Variants in C1GALT1 observed in about 807,000 individuals in gnomAD.
C1GALT1 encodes glycoprotein-N-acetylgalactosamine 3-beta-galactosyltransferase 1.
Under a neutral mutation model 31.0 loss-of-function variants are expected in C1GALT1, and 11 were observed. The ratio of observed to expected loss-of-function variants is 0.36; its 90% CI spans 0.22 to 0.59. C1GALT1 has a LOEUF of 0.59. C1GALT1 is among the 20% of genes least tolerant of loss of function. C1GALT1 has a pLI of 0.79. For synonymous variants in C1GALT1, 175 were observed against 143.6 expected (o/e 1.22, Z -1.56); for missense variants, 424 against 425.2 (o/e 1.00, Z 0.03).
At chr7:7,219,826 G>A (rs1009415169) in intron 1 of C1GALT1, among the ~76,000 whole-genome samples, 2 of 151,960 alleles carry the variant, frequency 1.3e-5, no homozygotes, top group Admixed American at 1.3e-4. Flanking sequence ...AAAATTTTGT[G>A]TGGAATTGTA....
At chr7:7,174,386 G>A (rs1562553761) in intron 2 of C1GALT1, among the ~76,000 whole-genome samples, 1 of 152,118 alleles carries the variant, frequency 6.6e-6, no homozygotes, top group Non-Finnish European at 1.5e-5. Context: ...AAATAACAAC[G>A]AGCCCAACTG....
At chr7:7,176,551 G>A (rs548244483) in intron 2 of C1GALT1, among the ~76,000 whole-genome samples, 169 of 152,312 alleles carry the variant, frequency 1.1e-3, no homozygotes, top group Non-Finnish European at 1.9e-3. Context: ...CTCGTAAGCT[G>A]AGAATATTTT....
At chr7:7,240,034 T>A (rs554659165) in intron 3 of C1GALT1, among the ~76,000 whole-genome samples, 3 of 152,328 alleles carry the variant, frequency 2.0e-5, no homozygotes, top group African/African-American at 4.8e-5. Flanking sequence ...TGCCTTCTTT[T>A]CTGTGGACCT....
At chr7:7,183,234 T>TCCCCG (rs1386955917) in intron 1 of C1GALT1, among the ~76,000 whole-genome samples, 1 of 148,064 alleles carries the variant, frequency 6.8e-6, no homozygotes, top group Non-Finnish European at 1.5e-5. Flanking sequence ...TCCCGGGCCC[T>TCCCCG]CCCCGCCCCG....
intron 1 of C1GALT1, among the ~76,000 whole-genome samples, chr7:7,232,810 C>T (rs1783150785): frequency 6.6e-6 from 1 of 152,124 alleles, no homozygotes; most frequent in South Asian, 2.1e-4. Context: ...TTTTTAAGCA[C>T]ACAGACCTAC....
intron 1 of C1GALT1, among the ~76,000 whole-genome samples, chr7:7,200,907 T>C (rs1781504312): frequency 6.6e-6 from 1 of 152,220 alleles, no homozygotes; most frequent in South Asian, 2.1e-4. Context: ...CTAATCTTTT[T>C]TCAAGGTTTT....
chr7:7,227,308 A>G (rs2159191), intron 1 of C1GALT1, among the ~76,000 whole-genome samples: 73,091 of 152,074 alleles, frequency 0.48, 19,462 homozygotes, highest in African/African-American at 0.72. Context: ...AATATTAACA[A>G]GGCCTTTAAG....
chr7:7,181,547 T>C (rs186045457), upstream of C1GALT1, among the ~76,000 whole-genome samples: 4 of 152,314 alleles, frequency 2.6e-5, no homozygotes, highest in East Asian at 7.7e-4. Context: ...CCTGAGAAAC[T>C]ACACTACAGC....
intron 2 of C1GALT1, among the ~76,000 whole-genome samples, chr7:7,160,630 T>C (rs144127048): frequency 6.6e-6 from 1 of 152,188 alleles, no homozygotes; most frequent in East Asian, 1.9e-4. Flanking sequence ...GAAGTCAAGT[T>C]CAGTTCAAGA....
intron 2 of C1GALT1, 58 bp downstream of exon 2, chr7:7,234,597 A>G (rs1445139888): frequency 2.3e-6 from 3 of 1,296,360 alleles, no homozygotes; most frequent in Admixed American, 3.8e-5. Context: ...AAATTTTGTC[A>G]TATTCCTGTC....
At chr7:7,196,106 C>G (rs1410927198) in intron 1 of C1GALT1, among the ~76,000 whole-genome samples, 1 of 152,086 alleles carries the variant, frequency 6.6e-6, no homozygotes, top group African/African-American at 2.4e-5. Context: ...GGTACATGTG[C>G]ACAACGTGCA....
rs555352728 is a variant in C1GALT1 at position 7,159,480 on chromosome 7, G to A, written c.-18+2054G>A. 1.1e-4 allele frequency among the ~76,000 whole-genome samples: 16 copies of A among 152,116 alleles called. No homozygotes were observed. In the South Asian group the frequency reaches 3.1e-3, roughly 30 times the overall value. On this transcript the variant is annotated intron_variant, in intron 2 of 3. Transcript: ENST00000429911. Reference sequence around the variant, plus strand: ...TGGAACAGAAATAGAAATGCAAAGCGGAAGAGAAAGAGAAAGGAAAGAAAG... The same window carrying A: ...TGGAACAGAAATAGAAATGCAAAGCAGAAGAGAAAGAGAAAGGAAAGAAAG...
At chr7:7,158,956 G>A (rs1318534933) in intron 2 of C1GALT1, among the ~76,000 whole-genome samples, 1 of 152,136 alleles carries the variant, frequency 6.6e-6, no homozygotes, top group Non-Finnish European at 1.5e-5. Flanking sequence ...ACAACGAGCA[G>A]GGTTCTTGAT....
At chr7:7,239,742 CCT>C (rs142486618) in intron 3 of C1GALT1, among the ~76,000 whole-genome samples, 23,984 of 152,038 alleles carry the variant, frequency 0.16, 2,467 homozygotes, top group Admixed American at 0.31. Context: ...GTACTTATCC[CCT>C]GTCTTTACCA....
At chr7:7,214,007 G>A (rs559055302) in intron 1 of C1GALT1, among the ~76,000 whole-genome samples, 32 of 152,318 alleles carry the variant, frequency 2.1e-4, no homozygotes, top group African/African-American at 7.2e-4. Flanking sequence ...CCAGTGGGGG[G>A]TAGGGATGTT....
chr7:7,234,615 G>A (rs1306608932), intron 2 of C1GALT1, 76 bp downstream of exon 2: 4 of 1,096,228 alleles, frequency 3.6e-6, no homozygotes, highest in Non-Finnish European at 5.3e-6. Context: ...GTCTGTATCT[G>A]TTAATTAAAA....
chr7:7,184,140 T>C (rs1780714368), intron 1 of C1GALT1, among the ~76,000 whole-genome samples: 1 of 152,246 alleles, frequency 6.6e-6, no homozygotes, highest in African/African-American at 2.4e-5. Flanking sequence ...TATAGTACAC[T>C]ATACTTTCTA....
At chr7:7,202,110 G>C (rs1018766715) in intron 1 of C1GALT1, among the ~76,000 whole-genome samples, 2 of 152,144 alleles carry the variant, frequency 1.3e-5, no homozygotes, top group Non-Finnish European at 2.9e-5. Flanking sequence ...CTCGTGAATT[G>C]GCCCTTTGGG....
At chr7:7,195,347 T>G (rs1421650623) in intron 1 of C1GALT1, among the ~76,000 whole-genome samples, 2 of 152,224 alleles carry the variant, frequency 1.3e-5, no homozygotes, top group Non-Finnish European at 2.9e-5. Flanking sequence ...TTTTGCTTTA[T>G]CCCAGAGGTT....
Sources: allele counts gnomAD v4.1 joint callset (sites outside exome capture counted in the v4.1 genomes callset), GRCh38; gene constraint gnomAD v4.1.1; transcripts MANE v1.5; gene names NCBI Gene and HGNC (gene_info 2026-07-23, HGNC 2026-07-21).